Variants in NLRP1 observed in about 807,000 individuals in gnomAD.
NLRP1 encodes NACHT, LRR and PYD domains-containing protein 1.
A neutral mutation model predicts 136.7 loss-of-function variants in NLRP1; 94 were observed. The observed-to-expected ratio is 0.69, with a 90% CI of 0.58 to 0.82. NLRP1 has a LOEUF of 0.82. Ranked by LOEUF, NLRP1 falls within the 40% of genes least tolerant of loss-of-function variation. The probability of loss-of-function intolerance (pLI) is 0.00; values close to 1 mark genes in which losing one functional copy is unlikely to be tolerated. For missense variants in NLRP1, 1,575 were observed against 1,802.7 expected (o/e 0.87, Z 2.29); for synonymous variants, 690 against 725.1 (o/e 0.95, Z 0.78).
Position 5,514,936 on chromosome 17 carries a change from C to T in NLRP1, c.4240G>A (p.Glu1414Lys), listed in dbSNP as rs748877010. The change falls in exon 17 of 17, where the codon GAG becomes AAG. Residue 1414 changes from glutamate to lysine, a missense_variant. Physicochemically the swap from Glu to Lys is moderately conservative, Grantham distance 56 (BLOSUM62 1). Coordinates refer to ENST00000572272, the MANE Select transcript of NLRP1 (RefSeq NM_033004.4). ...CTCGTGTTCTCAGCCAGCACCCTCT[C>T]GTACTGCTCCTGGCTCAGCACCTGT... ...HGQVLSQEQYERVLAENTRPS... is the reference protein window; with the variant it reads ...HGQVLSQEQYKRVLAENTRPS... The T allele has an allele frequency of 9.9e-6, 16 of 1,614,098 alleles. No individual in the cohort carries two copies. Among genetic ancestry groups the T allele is most frequent in the East Asian group, 2.2e-5 (1 of 44,892 alleles).
At chr17:5,543,987 G>A (rs1247060776) in intron 5 of NLRP1, among the ~76,000 whole-genome samples, 1 of 152,170 alleles carries the variant, frequency 6.6e-6, no homozygotes, top group Non-Finnish European at 1.5e-5. Context: ...GATTGGGGGG[G>A]TTAATGCTCT....
chr17:5,514,829 C>G lies in NLRP1; in HGVS notation c.4347G>C (p.Lys1449Asn). The G allele has an allele frequency of 6.2e-7, 1 of 1,614,090 alleles. No homozygotes were observed. The highest frequency in any genetic ancestry group is 1.7e-4 in the Middle Eastern group (1 of 6,060). Residue 1449 changes from lysine (K) to asparagine (N), a missense_variant, in exon 17 of 17, where the codon AAG becomes AAC. Lys to Asn is a moderately conservative substitution (Grantham distance 94). Transcript: ENST00000572272. ...KCKDGLYQAL[K>N]ETHPHLIMEL... ...CCATAATGAGGTGAGGATGGGTCTC[C>G]TTCAGGGCTTGGTAGAGTCCATCTT...
At chr17:5,533,833 C>T (rs887775731) in intron 9 of NLRP1, 64 bp downstream of exon 9, 5 of 1,076,248 alleles carry the variant, frequency 4.6e-6, no homozygotes, top group African/African-American at 1.6e-5. Context: ...GAGGGAATGA[C>T]CTCCCACAGC....
chr17:5,502,118 G>A, intron 15 of NLRP1: 2 of 445,256 alleles, frequency 4.5e-6, no homozygotes, highest in East Asian at 4.5e-5. Flanking sequence ...GAGCCTACTA[G>A]GTAGTGGTAG....
chr17:5,529,684 T>A (rs1382507115), intron 12 of NLRP1, among the ~76,000 whole-genome samples: 1 of 152,086 alleles, frequency 6.6e-6, no homozygotes, highest in Non-Finnish European at 1.5e-5. Flanking sequence ...TCATTTTTTT[T>A]AGTCAATTTA....
At chr17:5,555,017 TCACACACACACACACACA>T (rs55705436) in intron 4 of NLRP1, among the ~76,000 whole-genome samples, 4 of 142,442 alleles carry the variant, frequency 2.8e-5, no homozygotes, top group Middle Eastern at 3.7e-3. Flanking sequence ...TGAGATCCCA[TCACACACACACACACACA>T]CACACACACA....
At position 5,503,512 on chromosome 17, in the gene NLRP1, C is replaced by A. The variant is rs1043532196; in HGVS notation, c.4070-1640G>T. 8 of 152,196 alleles carry A rather than the reference C, an allele frequency of 5.3e-5. No individual in the cohort carries two copies. The East Asian group carries it at 1.3e-3, about 26-fold the overall frequency. The allele number at this position is 152,196 out of a possible 1,614,324, so 9.4% of individuals were successfully genotyped here. On this transcript the variant is annotated intron_variant, in intron 15 of 15. Coordinates refer to the NLRP1 transcript ENST00000262467. ...AGAGGCCCAGGTGTCTCTAGGACAC[C>A]TTATTATTTTTTACCTGGTCTACCT...
intron 3 of NLRP1, 67 bp downstream of exon 3, chr17:5,581,792 G>T: frequency 7.7e-7 from 1 of 1,297,822 alleles, no homozygotes; most frequent in Non-Finnish European, 1.1e-6. Flanking sequence ...GGTCCCCAGG[G>T]GACTCTTTGT....
chr17:5,545,352 ACACACAGACACC>A (rs1912458739), intron 5 of NLRP1, among the ~76,000 whole-genome samples: 1 of 144,192 alleles, frequency 6.9e-6, no homozygotes. Context: ...ACACACACAC[ACACACAGACACC>A]CACACAGACA....
intron 5 of NLRP1, among the ~76,000 whole-genome samples, chr17:5,548,588 T>C (rs964230125): frequency 6.6e-6 from 1 of 152,216 alleles, no homozygotes; most frequent in African/African-American, 2.4e-5. Context: ...TCAAAGTCTT[T>C]GAAGAAAGTA....
At position 5,517,775 on chromosome 17, in the gene NLRP1, G is replaced by A. The variant is rs1354987616; in HGVS notation, c.4028C>T (p.Thr1343Ile). 1 of 1,614,166 alleles carries A rather than the reference G, an allele frequency of 6.2e-7. No homozygotes were observed. The highest frequency in any genetic ancestry group is 1.3e-5 in the African/African-American group (1 of 75,046). ...RLQVKDKKDE[T>I]LVWEALVKPG... is the part of the protein sequence containing the mutation. ...TTTCACCAAGGCCTCCCACACCAGAGTCTCATCTTTCTTGTCTTTCACTTG... is the reference window on the plus strand; with the variant it reads ...TTTCACCAAGGCCTCCCACACCAGAATCTCATCTTTCTTGTCTTTCACTTG... Residue 1343 changes from threonine to isoleucine, a missense_variant, in exon 15 of 17, where the codon ACT (threonine) becomes ATT (isoleucine). Coordinates refer to ENST00000572272, the MANE Select transcript of NLRP1 (RefSeq NM_033004.4).
intron 5 of NLRP1, among the ~76,000 whole-genome samples, chr17:5,544,204 C>T (rs1312091504): frequency 1.3e-5 from 2 of 152,250 alleles, no homozygotes; most frequent in South Asian, 2.1e-4. Context: ...ATTATTGCCA[C>T]GCTTTATCTC....
chr17:5,573,186 A>C (rs1192050064), intron 3 of NLRP1, among the ~76,000 whole-genome samples: 4 of 152,224 alleles, frequency 2.6e-5, no homozygotes, highest in African/African-American at 9.6e-5. Flanking sequence ...TGCCTGGCTC[A>C]GAGGGTCCTG....
In NLRP1 at chr17:5,517,832, T is replaced by C. The variant is rs147885770; in HGVS notation, c.3971A>G (p.Tyr1324Cys). 8 of 1,614,096 alleles carry C rather than the reference T, an allele frequency of 5.0e-6. No homozygotes were observed. Among genetic ancestry groups the C allele is most frequent in the African/African-American group, 4.0e-5 (3 of 74,940 alleles). The change falls in exon 15 of 17, where the codon TAC becomes TGC. Residue 1324 changes from tyrosine (Y) to cysteine (C), a missense_variant. Coordinates refer to ENST00000572272, the MANE Select transcript of NLRP1 (RefSeq NM_033004.4). ...GATCCCTGATCCCAAGTGGCCAACG[T>C]AGAACTCCGAGAACAGCTGGTCTTC... ...PGEDQLFSEF[Y>C]VGHLGSGIRL...
chr17:5,512,251 T>C, downstream of NLRP1: 3 of 1,528,742 alleles, frequency 2.0e-6, no homozygotes, highest in Non-Finnish European at 1.8e-6. Flanking sequence ...TCCTTTGGGA[T>C]TATCAGGACA....
chr17:5,534,683 G>A lies in NLRP1; in HGVS notation c.2961-695C>T, dbSNP rs547925551. Among the ~76,000 whole-genome samples, 685 of 152,206 alleles carry A rather than the reference G, an allele frequency of 4.5e-3. 4 individuals are homozygous for A. Among genetic ancestry groups the A allele is most frequent in the Non-Finnish European group, 3.4e-3 (234 of 68,016 alleles). On this transcript the variant is annotated intron_variant, in intron 8 of 16. Coordinates refer to ENST00000572272, the MANE Select transcript of NLRP1 (RefSeq NM_033004.4). ...CTGCTTCTGCTCGGGTCCCTCTGCC[G>A]CCCATTTTCTACACAGCAGCCAATC...
intron 12 of NLRP1, among the ~76,000 whole-genome samples, chr17:5,527,320 C>T (rs1440679276): frequency 6.6e-6 from 1 of 152,206 alleles, no homozygotes; most frequent in Non-Finnish European, 1.5e-5. Flanking sequence ...TGGGCTTCAT[C>T]GAAAGCCATC....
chr17:5,536,734 C>A, intron 8 of NLRP1, 117 bp downstream of exon 8: 1 of 676,396 alleles, frequency 1.5e-6, no homozygotes, highest in Non-Finnish European at 2.7e-6. Context: ...ACTCTGGCTG[C>A]TGTGGTGTCT....
chr17:5,515,426 C>T lies in NLRP1; in HGVS notation c.4102+47G>A, dbSNP rs1156930106. On this transcript the variant is annotated intron_variant, in intron 16 of 16. Coordinates refer to ENST00000572272, the MANE Select transcript of NLRP1 (RefSeq NM_033004.4). ...CCCTTCCCCCAGAACCAGACAGTACCCCAGAACTGCCACCGCCTCCTGTGG... is the reference window on the plus strand; with the variant it reads ...CCCTTCCCCCAGAACCAGACAGTACTCCAGAACTGCCACCGCCTCCTGTGG... 4 of 1,500,278 alleles carry T rather than the reference C, an allele frequency of 2.7e-6. No individual in the cohort carries two copies. The South Asian group carries it at 4.5e-5, about 17-fold the overall frequency. The allele number at this position is 1,500,278 out of a possible 1,614,324, so 92.9% of individuals were successfully genotyped here.
Sources: allele counts gnomAD v4.1 joint callset (sites outside exome capture counted in the v4.1 genomes callset), GRCh38; gene constraint gnomAD v4.1.1; transcripts MANE v1.5; gene names NCBI Gene and HGNC (gene_info 2026-07-23, HGNC 2026-07-21).